Variants in RABL3 observed in about 807,000 individuals in gnomAD.
The protein encoded by RABL3 is rab-like protein 3.
A neutral mutation model predicts 31.8 loss-of-function variants in RABL3; 31 were observed. The observed-to-expected ratio is 0.97, with a 90% CI of 0.73 to 1.31. The LOEUF is 1.31. RABL3 is among the 40% of genes most tolerant of loss of function. The pLI is 0.00. For missense variants in RABL3, 263 were observed against 279.6 expected (o/e 0.94, Z 0.42); for synonymous variants, 97 against 99.9 (o/e 0.97, Z 0.18).
At chr3:120,742,426 GTGTC>G (rs1450326972) in intron 1 of RABL3, 32 bp downstream of exon 1, 1 of 1,606,696 alleles carries the variant, frequency 6.2e-7, no homozygotes, top group African/African-American at 1.3e-5. Flanking sequence ...TAACTCAAAA[GTGTC>G]TGGAGCCCCA....
chr3:120,722,846 G>GA (rs1401575865), intron 2 of RABL3, among the ~76,000 whole-genome samples: 1 of 151,944 alleles, frequency 6.6e-6, no homozygotes, highest in Non-Finnish European at 1.5e-5. Flanking sequence ...GAGAAAGCAG[G>GA]AAAGATCTAA....
intron 2 of RABL3, among the ~76,000 whole-genome samples, chr3:120,725,508 T>C (rs1465016005): frequency 2.6e-5 from 4 of 152,242 alleles, no homozygotes; most frequent in African/African-American, 9.6e-5. Context: ...GTATGTTTAC[T>C]GCAGCACTAT....
At chr3:120,722,125 A>G (rs1335888572) in intron 2 of RABL3, 3 of 152,160 alleles carry the variant, frequency 2.0e-5, no homozygotes, top group Admixed American at 2.0e-4. Context: ...ATACCACGTG[A>G]AATATTTTAT....
At chr3:120,707,572 C>T (rs528690184) in intron 3 of RABL3, among the ~76,000 whole-genome samples, 1 of 152,034 alleles carries the variant, frequency 6.6e-6, no homozygotes, top group Non-Finnish European at 1.5e-5. Flanking sequence ...TCAGAATTTG[C>T]ACTCAGGTAA....
At chr3:120,734,346 T>C (rs1358843257) in intron 1 of RABL3, among the ~76,000 whole-genome samples, 1 of 152,190 alleles carries the variant, frequency 6.6e-6, no homozygotes, top group Non-Finnish European at 1.5e-5. Context: ...TGGCTGTTTG[T>C]CTGTTATTGG....
chr3:120,706,702 T>A (rs1325511541), intron 3 of RABL3, among the ~76,000 whole-genome samples: 3 of 152,028 alleles, frequency 2.0e-5, no homozygotes, highest in African/African-American at 7.2e-5. Context: ...GTTCTTTGAA[T>A]AATGATTAGT....
Position 120,686,186 on chromosome 3 carries a change from A to G in RABL3, c.*3637T>C, listed in dbSNP as rs952670740. Among the ~76,000 whole-genome samples, 16 of 152,176 alleles carry G rather than the reference A, an allele frequency of 1.1e-4. No homozygotes were observed. The highest frequency in any genetic ancestry group is 3.9e-4 in the African/African-American group (16 of 41,446). On this transcript the variant is annotated 3_prime_UTR_variant, in exon 8 of 8. Coordinates refer to ENST00000273375, the MANE Select transcript of RABL3 (RefSeq NM_173825.5). Reference sequence around the variant, plus strand: ...TGGGACTGCGGAGAAATGAATTTCTAATTTCCTTCTCCTCCTTTCCCCAAA... The same window carrying G: ...TGGGACTGCGGAGAAATGAATTTCTGATTTCCTTCTCCTCCTTTCCCCAAA...
chr3:120,741,474 C>G (rs1709042007), intron 1 of RABL3, among the ~76,000 whole-genome samples: 1 of 152,174 alleles, frequency 6.6e-6, no homozygotes, highest in Admixed American at 6.5e-5. Flanking sequence ...TCTTTGCTCA[C>G]AACACATGCT....
chr3:120,723,168 A>C (rs1273330076), intron 2 of RABL3, among the ~76,000 whole-genome samples: 16 of 152,146 alleles, frequency 1.1e-4, no homozygotes, highest in Non-Finnish European at 2.4e-4. Context: ...TACTAAAAAC[A>C]CCTGTACGCA....
At chr3:120,703,645 T>A (rs186660614) in intron 4 of RABL3, among the ~76,000 whole-genome samples, 3 of 151,564 alleles carry the variant, frequency 2.0e-5, no homozygotes, top group African/African-American at 7.3e-5. Context: ...TGGAAAAAAA[T>A]CAATACAATT....
intron 2 of RABL3, among the ~76,000 whole-genome samples, chr3:120,727,836 G>T (rs1221619289): frequency 6.6e-6 from 1 of 152,050 alleles, no homozygotes; most frequent in Non-Finnish European, 1.5e-5. Context: ...GAATAAATCA[G>T]AAAAATCATG....
At chr3:120,698,929 A>G (rs1365895881) in intron 4 of RABL3, among the ~76,000 whole-genome samples, 1 of 152,228 alleles carries the variant, frequency 6.6e-6, no homozygotes, top group African/African-American at 2.4e-5. Flanking sequence ...CAGCTCAGGA[A>G]TATTTCAGAG....
chr3:120,707,321 T>C (rs1325532980), intron 3 of RABL3, among the ~76,000 whole-genome samples: 1 of 152,112 alleles, frequency 6.6e-6, no homozygotes, highest in Admixed American at 6.5e-5. Flanking sequence ...CCACTCTTCC[T>C]TCCTCAATGA....
At chr3:120,722,252 G>A (rs1043586619) in intron 2 of RABL3, 4 of 152,084 alleles carry the variant, frequency 2.6e-5, no homozygotes, top group African/African-American at 9.7e-5. Flanking sequence ...CACTAACTTA[G>A]AGTGGTTATG....
At chr3:120,736,527 C>A (rs1708967983) in intron 1 of RABL3, among the ~76,000 whole-genome samples, 1 of 152,084 alleles carries the variant, frequency 6.6e-6, no homozygotes, top group Admixed American at 6.5e-5. Flanking sequence ...ATTTAGCCCA[C>A]TTACATTTAA....
At position 120,730,703 on chromosome 3, in the gene RABL3, T is replaced by A; in HGVS notation, c.131A>T (p.Asp44Val). The change falls in exon 2 of 8, where the codon GAT (aspartate) becomes GTT (valine). Residue 44 changes from aspartate to valine, a missense_variant. Transcript: ENST00000273375. ...NPSWTVGCSVDVRVHDYKEGT... is the reference protein window; with the variant it reads ...NPSWTVGCSVVVRVHDYKEGT... Reference sequence around the variant, plus strand: ...AATATAAAAGACACATACTCTGACATCCACTGAGCAGCCCACAGTCCATGA... The same window carrying A: ...AATATAAAAGACACATACTCTGACAACCACTGAGCAGCCCACAGTCCATGA... 1 of 1,609,796 alleles carries A rather than the reference T, an allele frequency of 6.2e-7. No homozygotes were observed. The highest frequency in any genetic ancestry group is 8.5e-7 in the Non-Finnish European group (1 of 1,177,262).
intron 1 of RABL3, among the ~76,000 whole-genome samples, chr3:120,735,096 T>C (rs1708939274): frequency 1.3e-5 from 2 of 152,222 alleles, no homozygotes; most frequent in Admixed American, 6.5e-5. Flanking sequence ...TTTCCGTTGA[T>C]TGGAATAGTT....
At chr3:120,706,245 C>A in intron 3 of RABL3, 131 bp from the exon 4 acceptor site, 1 of 589,572 alleles carries the variant, frequency 1.7e-6, no homozygotes, top group Non-Finnish European at 3.0e-6. Context: ...TGACTAACAA[C>A]TCAGAGACAA....
chr3:120,723,121 C>T (rs1308728894), intron 2 of RABL3, among the ~76,000 whole-genome samples: 6 of 152,098 alleles, frequency 3.9e-5, no homozygotes, highest in Admixed American at 2.6e-4. Context: ...GGGATATCAC[C>T]ACCGATCCCA....
Sources: allele counts gnomAD v4.1 joint callset (sites outside exome capture counted in the v4.1 genomes callset), GRCh38; gene constraint gnomAD v4.1.1; transcripts MANE v1.5; gene names NCBI Gene and HGNC (gene_info 2026-07-23, HGNC 2026-07-21).